The following DLG2 variants were observed in gnomAD, a reference collection of about 807,000 sequenced individuals.
DLG2 encodes discs large MAGUK scaffold protein 2.
DLG2 carries 45 observed loss-of-function variants against 132.5 expected under a neutral mutation model. The ratio of observed to expected loss-of-function variants is 0.34; its 90% CI spans 0.27 to 0.44. The LOEUF is 0.44. Among genes scored for constraint, DLG2 ranks in the 20% least tolerant of loss-of-function variants. DLG2 has a pLI of 1.00. For missense variants in DLG2, 1,045 were observed against 1,196.9 expected, an observed-to-expected ratio of 0.87 and a Z score of 1.87; for synonymous variants, 424 against 419.6, an observed-to-expected ratio of 1.01 and a Z score of -0.13.
chr11:85,253,838 G>C (rs544672443), intron 4 of DLG2, among the ~76,000 whole-genome samples: 2 of 152,196 alleles, frequency 1.3e-5, no homozygotes, highest in African/African-American at 4.8e-5. Context: ...CTGAAAAGGG[G>C]ACAGAGCAGG....
At chr11:85,191,199 C>G (rs187804148) in intron 4 of DLG2, among the ~76,000 whole-genome samples, 158 of 151,192 alleles carry the variant, frequency 1.0e-3, no homozygotes, top group Admixed American at 4.8e-3. Context: ...CACACACACA[C>G]ACACACGTTT....
chr11:85,541,224 T>A (rs2075946739), intron 3 of DLG2, among the ~76,000 whole-genome samples: 1 of 152,188 alleles, frequency 6.6e-6, no homozygotes, highest in African/African-American at 2.4e-5. Context: ...ATTCAAAAAA[T>A]AATTATTGAG....
chr11:84,098,528 A>G (rs1320877980), intron 10 of DLG2, among the ~76,000 whole-genome samples: 2 of 152,360 alleles, frequency 1.3e-5, no homozygotes, highest in South Asian at 2.1e-4. Context: ...TGGTTGCCGA[A>G]TATGAGAATA....
intron 18 of DLG2, among the ~76,000 whole-genome samples, chr11:83,641,598 T>G (rs1327781864): frequency 6.6e-6 from 1 of 152,120 alleles, no homozygotes; most frequent in African/African-American, 2.4e-5. Flanking sequence ...AAGGACGTCA[T>G]TAGGAACTAT....
chr11:85,624,307 A>G (rs1199309460), intron 2 of DLG2, among the ~76,000 whole-genome samples: 1 of 152,248 alleles, frequency 6.6e-6, no homozygotes, highest in African/African-American at 2.4e-5. Context: ...GCATGGTATC[A>G]GTAAAAGAAT....
intron 9 of DLG2, among the ~76,000 whole-genome samples, chr11:84,117,051 T>C (rs956804143): frequency 2.0e-4 from 30 of 152,318 alleles, no homozygotes; most frequent in African/African-American, 7.2e-4. Flanking sequence ...TCTCAGACTT[T>C]CCCTCACCTC....
chr11:83,638,508 T>C (rs1237251814), intron 18 of DLG2, among the ~76,000 whole-genome samples: 1 of 152,240 alleles, frequency 6.6e-6, no homozygotes, highest in Non-Finnish European at 1.5e-5. Context: ...CAATTCTTTC[T>C]ATTACTTCTG....
At chr11:85,578,562 G>C (rs1462541392) in intron 3 of DLG2, among the ~76,000 whole-genome samples, 1 of 151,940 alleles carries the variant, frequency 6.6e-6, no homozygotes, top group African/African-American at 2.4e-5. Context: ...ACATTAAAAG[G>C]TGGGCAAAGG....
At chr11:84,621,168 G>C (rs2099613232) in intron 6 of DLG2, among the ~76,000 whole-genome samples, 1 of 151,890 alleles carries the variant, frequency 6.6e-6, no homozygotes. Context: ...CTTGGAGGAG[G>C]GGCTTATGGT....
At chr11:85,302,708 A>G (rs1387687175) in intron 3 of DLG2, among the ~76,000 whole-genome samples, 1 of 152,168 alleles carries the variant, frequency 6.6e-6, no homozygotes, top group Non-Finnish European at 1.5e-5. Context: ...AAGCCAAAAC[A>G]GAGAGCTGCA....
intron 3 of DLG2, among the ~76,000 whole-genome samples, chr11:85,416,162 G>T (rs1375072216): frequency 1.3e-5 from 2 of 151,726 alleles, no homozygotes; most frequent in African/African-American, 2.4e-5. Flanking sequence ...CGTCAGGTTT[G>T]TCAAAGATCA....
chr11:83,849,023 CA>C (rs1395143812), intron 16 of DLG2, among the ~76,000 whole-genome samples: 2 of 152,114 alleles, frequency 1.3e-5, no homozygotes, highest in Admixed American at 6.5e-5. Flanking sequence ...TCTTTATGCA[CA>C]AAAAATATAT....
At chr11:84,439,260 T>C (rs2099010299) in intron 7 of DLG2, among the ~76,000 whole-genome samples, 1 of 152,238 alleles carries the variant, frequency 6.6e-6, no homozygotes. Context: ...ATTAAGAGAA[T>C]TGGGCAGATA....
chr11:84,583,436 A>G (rs567091639), intron 6 of DLG2, among the ~76,000 whole-genome samples: 6 of 152,350 alleles, frequency 3.9e-5, no homozygotes, highest in South Asian at 4.1e-4. Context: ...AGTGAAATGA[A>G]GAGAGGAATT....
intron 6 of DLG2, among the ~76,000 whole-genome samples, chr11:84,945,100 T>C (rs187572502): frequency 2.4e-4 from 36 of 152,338 alleles, no homozygotes; most frequent in African/African-American, 8.2e-4. Flanking sequence ...CTAGTGGATG[T>C]TGGTCAATGT....
At chr11:85,315,817 G>C (rs114636886) in intron 3 of DLG2, among the ~76,000 whole-genome samples, 123 of 152,064 alleles carry the variant, frequency 8.1e-4, no homozygotes, top group African/African-American at 2.8e-3. Context: ...GGCTGTGTAG[G>C]ATATTTAAAA....
chr11:85,104,872 C>CAAAAAAAAAAAAAAAAAAAAAAAA (rs56043190), intron 6 of DLG2, among the ~76,000 whole-genome samples: 1 of 56,054 alleles, frequency 1.8e-5, no homozygotes, highest in African/African-American at 6.9e-5. Context: ...GGCTGAATGG[C>CAAAAAAAAAAAAAAAAAAAAAAAA]AAAAAAAAAA....
At chr11:84,147,411 A>G (rs1486569662) in intron 9 of DLG2, among the ~76,000 whole-genome samples, 1 of 152,176 alleles carries the variant, frequency 6.6e-6, no homozygotes, top group African/African-American at 2.4e-5. Context: ...ACGACAAAAC[A>G]CTAGCTGTTT....
intron 7 of DLG2, among the ~76,000 whole-genome samples, chr11:84,336,377 C>A (rs1045193016): frequency 1.3e-5 from 2 of 152,200 alleles, no homozygotes; most frequent in African/African-American, 4.8e-5. Flanking sequence ...TGATTTAATT[C>A]TGTTCCTCCC....
Sources: gnomAD v4.1 joint callset for allele counts (sites outside exome capture counted in the v4.1 genomes callset) on GRCh38, gnomAD v4.1.1 for gene constraint, MANE v1.5 for transcripts, NCBI Gene and HGNC (gene_info 2026-07-23, HGNC 2026-07-21) for gene names.